Variants in TNRC6C observed in about 807,000 individuals in gnomAD.
TNRC6C encodes the protein trinucleotide repeat containing adaptor 6C, also known as trinucleotide repeat-containing gene 6C protein.
A neutral mutation model predicts 153.7 loss-of-function variants in TNRC6C; 20 were observed. The ratio of observed to expected loss-of-function variants is 0.13; its 90% CI spans 0.09 to 0.19. The LOEUF (loss-of-function observed/expected upper bound fraction) is 0.19. TNRC6C is among the 10% of genes least tolerant of loss of function. The pLI is 1.00. For missense variants in TNRC6C, 1,987 were observed against 2,172.0 expected (o/e 0.91, Z 1.69); for synonymous variants, 811 against 841.4 (o/e 0.96, Z 0.63).
intron 3 of TNRC6C, among the ~76,000 whole-genome samples, chr17:78,055,020 T>G (rs1350876333): frequency 6.6e-6 from 1 of 151,900 alleles, no homozygotes; most frequent in African/African-American, 2.4e-5. Context: ...CACTGCAAAG[T>G]AGAGTTCAGC....
At chr17:77,958,231 A>G (rs1301690380), upstream of TNRC6C, among the ~76,000 whole-genome samples, 1 of 151,642 alleles carries the variant, frequency 6.6e-6, no homozygotes, top group Non-Finnish European at 1.5e-5. Context: ...CGGAGAACCC[A>G]CCGGACGCGC....
chr17:77,972,298 A>G (rs941706364), intron 1 of TNRC6C, among the ~76,000 whole-genome samples: 1 of 152,166 alleles, frequency 6.6e-6, no homozygotes, highest in African/African-American at 2.4e-5. Context: ...GGATCACCTG[A>G]AGTCAGGAGT....
exon 3 of TNRC6C, chr17:78,050,471 G>A (rs1189278989): frequency 6.2e-7 from 1 of 1,614,042 alleles, no homozygotes; most frequent in Non-Finnish European, 8.5e-7. Flanking sequence ...AGGTCTGAAA[G>A]GAAAAATGAC....
At chr17:78,027,898 T>A (rs1254947174) in intron 1 of TNRC6C, among the ~76,000 whole-genome samples, 1 of 149,220 alleles carries the variant, frequency 6.7e-6, no homozygotes, top group Non-Finnish European at 1.5e-5. Flanking sequence ...GACAGAAACT[T>A]GGAGGTTTTT....
chr17:77,980,973 T>TGTTTTTTG (rs760213012), intron 1 of TNRC6C, among the ~76,000 whole-genome samples: 1 of 152,124 alleles, frequency 6.6e-6, no homozygotes, highest in Non-Finnish European at 1.5e-5. Context: ...TGTTTTGTTA[T>TGTTTTTTG]GTTTTTTGGT....
chr17:77,958,139 G>A (rs992299715), upstream of TNRC6C, among the ~76,000 whole-genome samples: 32 of 152,062 alleles, frequency 2.1e-4, no homozygotes, highest in Admixed American at 1.6e-3. Context: ...GCACGGCACG[G>A]GCGAGACGCG....
exon 3 of TNRC6C, chr17:78,050,610 T>C: frequency 6.3e-7 from 1 of 1,580,468 alleles, no homozygotes; most frequent in Non-Finnish European, 8.6e-7. Flanking sequence ...CACCTGCCGC[T>C]GTGCCAGCAA....
intron 1 of TNRC6C, among the ~76,000 whole-genome samples, chr17:78,006,542 TCTTCTTCTTCTTCTTCTTC>T (rs1567910914): frequency 2.7e-4 from 38 of 138,654 alleles, no homozygotes; most frequent in East Asian, 2.0e-3. Context: ...TTCTTCTTCT[TCTTCTTCTTCTTCTTCTTC>T]CTTCTTCCTT....
At chr17:78,105,509 A>G (rs1312052087) in exon 20 of TNRC6C, 1 of 152,240 alleles carries the variant, frequency 6.6e-6, no homozygotes, top group Non-Finnish European at 1.5e-5. Flanking sequence ...CAGCAGGCCA[A>G]TAGTGAAATG....
chr17:78,103,355 G>T, intron 18 of TNRC6C, 59 bp from the exon 22 acceptor site: 1 of 1,589,956 alleles, frequency 6.3e-7, no homozygotes, highest in South Asian at 1.1e-5. Flanking sequence ...TTCTTTGGAA[G>T]GCTGTAGTGA....
chr17:78,083,579 A>G (rs1256684326), intron 11 of TNRC6C, among the ~76,000 whole-genome samples: 1 of 152,250 alleles, frequency 6.6e-6, no homozygotes, highest in Non-Finnish European at 1.5e-5. Flanking sequence ...TTGAGCTCTC[A>G]GCCAGAGTTT....
chr17:78,099,009 T>C (rs2073539901), intron 17 of TNRC6C, among the ~76,000 whole-genome samples: 1 of 152,164 alleles, frequency 6.6e-6, no homozygotes, highest in Non-Finnish European at 1.5e-5. Context: ...CCCCACCAGT[T>C]TGAAAAAACA....
intron 1 of TNRC6C, among the ~76,000 whole-genome samples, chr17:77,994,625 C>T (rs575659903): frequency 2.6e-5 from 4 of 152,268 alleles, no homozygotes; most frequent in South Asian, 4.1e-4. Flanking sequence ...CAGTGACAGA[C>T]CAACGCTTAT....
chr17:78,068,062 C>G (rs1469397861), intron 5 of TNRC6C, 139 bp downstream of exon 7: 9 of 967,758 alleles, frequency 9.3e-6, no homozygotes, highest in Non-Finnish European at 1.3e-5. Context: ...TCCCAGAGAC[C>G]CTTTCAGGGG....
rs771333572 is a variant in TNRC6C at position 78,079,489 on chromosome 17, A to G, written c.3305A>G (p.Asn1102Ser). Reference sequence around the variant, plus strand: ...CCACAGCCACCAGTGCAGCCTCTTAACTCTTCCCAGCCCAGTCTCCGTGCT... The same window carrying G: ...CCACAGCCACCAGTGCAGCCTCTTAGCTCTTCCCAGCCCAGTCTCCGTGCT... Residue 1102 changes from asparagine to serine, a missense_variant, in exon 10 of 20, where the codon AAC (asparagine) becomes AGC (serine). By Grantham distance (46) the Asn-to-Ser change is conservative. This residue lies in a region of TNRC6C where 765 missense variants were observed against 908.6 expected (regional missense o/e 0.84). Transcript: ENST00000301624. This position sits in a 1 kb window ranked among gnomAD's most constrained non-coding sequence, Gnocchi z 4.3. 1 of 1,613,382 alleles carries G rather than the reference A, an allele frequency of 6.2e-7. No individual in the cohort carries two copies. The highest frequency in any genetic ancestry group is 1.1e-5 in the South Asian group (1 of 91,056).
chr17:78,023,119 C>T (rs963761571), intron 1 of TNRC6C, among the ~76,000 whole-genome samples: 10 of 151,780 alleles, frequency 6.6e-5, no homozygotes, highest in Non-Finnish European at 1.2e-4. Flanking sequence ...AGTGAGACTC[C>T]GTCTCTAAAA....
At chr17:78,092,070 G>A (rs2073404083) in intron 14 of TNRC6C, among the ~76,000 whole-genome samples, 1 of 152,134 alleles carries the variant, frequency 6.6e-6, no homozygotes, top group South Asian at 2.1e-4. Context: ...GTCCCCATCG[G>A]GAACTCTTTA....
intron 13 of TNRC6C, among the ~76,000 whole-genome samples, chr17:78,090,834 G>A (rs547876567): frequency 6.6e-6 from 1 of 152,312 alleles, no homozygotes; most frequent in Admixed American, 6.5e-5. Flanking sequence ...TTTCAGAGCA[G>A]ACTTTTGTAA....
rs145094833 is a variant in TNRC6C at position 78,103,130 on chromosome 17, C to T, written c.4573-284C>T. Among the ~76,000 whole-genome samples, 42 of 152,290 alleles carry T rather than the reference C, an allele frequency of 2.8e-4. No individual in the cohort carries two copies. The East Asian group carries it at 6.2e-3, about 22-fold the overall frequency. ...CCTTTTGCAAACCAGAGGCTCTGTG[C>T]GACGTGCTCTGGTGAAAGGAGAGCA... On this transcript the variant is annotated intron_variant, in intron 18 of 19. Transcript: ENST00000301624.
Sources: allele counts gnomAD v4.1 joint callset (sites outside exome capture counted in the v4.1 genomes callset), GRCh38; gene constraint gnomAD v4.1.1; regional missense constraint gnomAD v4.1.1; non-coding constraint Gnocchi (gnomAD v3.1); transcripts MANE v1.5; gene names NCBI Gene and HGNC (gene_info 2026-07-23, HGNC 2026-07-21).